Variants in KAZN observed in about 807,000 individuals in gnomAD.
The protein encoded by KAZN is kazrin, periplakin interacting protein.
Under a neutral mutation model 87.4 loss-of-function variants are expected in KAZN, and 40 were observed. That is an observed-to-expected ratio of 0.46 (90% confidence interval 0.36 to 0.60). The LOEUF (loss-of-function observed/expected upper bound fraction) is 0.60, where lower values mean the gene tolerates loss of function less well. Among genes scored for constraint, KAZN ranks in the 20% least tolerant of loss-of-function variants. The probability of loss-of-function intolerance (pLI) is 0.00; values close to 1 mark genes in which losing one functional copy is unlikely to be tolerated. For synonymous variants in KAZN, 466 were observed against 458.3 expected (o/e 1.02, Z -0.22); for missense variants, 898 against 1,073.9 (o/e 0.84, Z 2.29).
chr1:13,923,152 C>T (rs903274870), intron 1 of KAZN, among the ~76,000 whole-genome samples: 8 of 152,246 alleles, frequency 5.3e-5, no homozygotes, highest in South Asian at 2.1e-4. Flanking sequence ...CTACTGCTGA[C>T]CGGAAGCCTT....
At chr1:14,854,147 G>T (rs1433968272) in intron 1 of KAZN, among the ~76,000 whole-genome samples, 1 of 152,156 alleles carries the variant, frequency 6.6e-6, no homozygotes. Context: ...CTGGCCCTTT[G>T]TGAGTGAGGT....
chr1:14,106,046 A>G (rs1570750200), intron 1 of KAZN, among the ~76,000 whole-genome samples: 1 of 152,248 alleles, frequency 6.6e-6, no homozygotes, highest in East Asian at 1.9e-4. Context: ...GAAATAAACA[A>G]TAACAGTAAC....
chr1:14,371,956 T>A (rs1159808777), intron 2 of KAZN, among the ~76,000 whole-genome samples: 1 of 152,248 alleles, frequency 6.6e-6, no homozygotes, highest in African/African-American at 2.4e-5. Context: ...AGGAGCCAAC[T>A]GTTTAAAGGA....
rs899784830 is a variant in KAZN, at chr1:14,856,746, T to C, written c.227-103938T>C. On this transcript the variant is annotated intron_variant, in intron 1 of 14. Coordinates refer to ENST00000376030, the MANE Select transcript of KAZN (RefSeq NM_201628.3). The surrounding 1 kb of genome is among the most constrained non-coding windows in gnomAD (Gnocchi z 5.2). ...GATTATTCTCAAGGACAATGGCCAT[T>C]ATGTCCATTCTTCCAGGATAAAGAT... is the stretch of plus-strand genomic sequence containing the variant. 5.9e-5 allele frequency among the ~76,000 whole-genome samples: 9 copies of C among 152,194 alleles called. No homozygotes were observed. The highest frequency in any genetic ancestry group is 1.9e-4 in the African/African-American group (8 of 41,464).
At chr1:13,902,033 C>T (rs1557709559) in intron 1 of KAZN, among the ~76,000 whole-genome samples, 1 of 152,238 alleles carries the variant, frequency 6.6e-6, no homozygotes, top group Admixed American at 6.5e-5. Flanking sequence ...AAAGGGAAGG[C>T]CTTAGCCGAA....
chr1:14,603,481 G>A (rs1677131845), intron 1 of KAZN, among the ~76,000 whole-genome samples: 1 of 152,130 alleles, frequency 6.6e-6, no homozygotes, highest in African/African-American at 2.4e-5. Flanking sequence ...AGTACAGTGT[G>A]GTTGAAATTA....
At chr1:14,117,748 A>G (rs1644659533) in intron 1 of KAZN, among the ~76,000 whole-genome samples, 1 of 152,152 alleles carries the variant, frequency 6.6e-6, no homozygotes. Flanking sequence ...ATCCTCCCCT[A>G]GTAAGTAAGA....
chr1:14,747,783 C>T (rs1303857070), intron 1 of KAZN, among the ~76,000 whole-genome samples: 1 of 152,192 alleles, frequency 6.6e-6, no homozygotes, highest in African/African-American at 2.4e-5. Context: ...GAAATTTTCA[C>T]AGTGTTTTCC....
intron 1 of KAZN, among the ~76,000 whole-genome samples, chr1:14,896,060 TTTTTTTTTTTTTG>T (rs1456613558): frequency 5.6e-5 from 1 of 17,932 alleles, no homozygotes; most frequent in Non-Finnish European, 1.2e-4. Flanking sequence ...TTTTTTTTTT[TTTTTTTTTTTTTG>T]GACACAGATT....
chr1:14,522,076 A>G (rs1671619743), intron 2 of KAZN, among the ~76,000 whole-genome samples: 1 of 152,172 alleles, frequency 6.6e-6, no homozygotes, highest in African/African-American at 2.4e-5. Context: ...TTTCATAGAC[A>G]CATTAGAAAA....
intron 1 of KAZN, among the ~76,000 whole-genome samples, chr1:14,609,308 G>A (rs1051720167): frequency 2.0e-5 from 3 of 152,178 alleles, no homozygotes; most frequent in African/African-American, 4.8e-5. Context: ...TGCCCTGTTT[G>A]CAATTTGACA....
chr1:14,510,792 A>T (rs373578728), intron 2 of KAZN, among the ~76,000 whole-genome samples: 1 of 152,128 alleles, frequency 6.6e-6, no homozygotes, highest in Non-Finnish European at 1.5e-5. Flanking sequence ...CAGAGAGTAG[A>T]CTGATGCAGG....
At chr1:14,078,806 T>A (rs536826897) in intron 1 of KAZN, among the ~76,000 whole-genome samples, 6 of 152,310 alleles carry the variant, frequency 3.9e-5, no homozygotes, top group South Asian at 2.1e-4. Flanking sequence ...TGCCTCAACC[T>A]CCCTGGTAGC....
intron 2 of KAZN, among the ~76,000 whole-genome samples, chr1:14,382,452 A>G (rs186082052): frequency 0.013 from 880 of 66,726 alleles, 27 homozygotes; most frequent in African/African-American, 0.059. Context: ...ATATCTCCCA[A>G]TGCTATCCCT....
chr1:14,234,472 G>A (rs1482580070), intron 2 of KAZN, among the ~76,000 whole-genome samples: 3 of 152,184 alleles, frequency 2.0e-5, no homozygotes, highest in Admixed American at 6.5e-5. Flanking sequence ...GTTGATGGGT[G>A]CAGCAAACCA....
intron 1 of KAZN, among the ~76,000 whole-genome samples, chr1:14,664,739 C>T (rs938942707): frequency 5.3e-5 from 8 of 149,560 alleles, no homozygotes; most frequent in Non-Finnish European, 3.0e-5. Context: ...CTGCAAGCTC[C>T]GCCTCCCAGG....
At chr1:15,059,023 A>AAAAT (rs529535657) in intron 5 of KAZN, among the ~76,000 whole-genome samples, 110 of 152,146 alleles carry the variant, frequency 7.2e-4, no homozygotes, top group African/African-American at 2.4e-3. Context: ...CCCTGTCTCA[A>AAAAT]AAATAAATAA....
At chr1:14,353,414 G>C (rs1041975301) in intron 2 of KAZN, among the ~76,000 whole-genome samples, 4 of 151,898 alleles carry the variant, frequency 2.6e-5, no homozygotes, top group African/African-American at 9.7e-5. Flanking sequence ...TAGTAGAGAT[G>C]GGGTTTCACT....
chr1:14,975,140 G>A (rs1418611367), intron 2 of KAZN, among the ~76,000 whole-genome samples: 3 of 152,222 alleles, frequency 2.0e-5, no homozygotes, highest in Non-Finnish European at 4.4e-5. Flanking sequence ...TCGAAGACAG[G>A]CAGACTGTGC....
Sources: gnomAD v4.1 joint callset for allele counts (sites outside exome capture counted in the v4.1 genomes callset) on GRCh38, gnomAD v4.1.1 for gene constraint, Gnocchi (gnomAD v3.1) non-coding constraint, MANE v1.5 for transcripts, NCBI Gene and HGNC (gene_info 2026-07-23, HGNC 2026-07-21) for gene names.